The following CD36 variants were observed in gnomAD, a reference collection of about 807,000 sequenced individuals.
The protein encoded by CD36 is platelet glycoprotein 4.
In CD36, 119 loss-of-function variants were observed where a neutral mutation model predicts 55.2. The ratio of observed to expected loss-of-function variants is 2.15; its 90% CI spans 1.86 to 2.51. CD36 has a LOEUF of 2.51. CD36 is among the 30% of genes most tolerant of loss of function. The pLI is 0.00. For synonymous variants in CD36, 186 were observed against 193.6 expected (o/e 0.96, Z 0.33); for missense variants, 819 against 555.5 (o/e 1.47, Z -4.77).
chr7:80,668,395 T>C (rs1344983503), intron 8 of CD36, among the ~76,000 whole-genome samples: 1 of 152,200 alleles, frequency 6.6e-6, no homozygotes, highest in Non-Finnish European at 1.5e-5. Context: ...TTCTTGCTTA[T>C]GGCACTAGCG....
chr7:80,661,783 T>C (rs1243866899), intron 5 of CD36, among the ~76,000 whole-genome samples: 1 of 152,188 alleles, frequency 6.6e-6, no homozygotes, highest in African/African-American at 2.4e-5. Flanking sequence ...CAACTGTCAA[T>C]ATAATTTAAG....
intron 7 of CD36, chr7:80,666,092 CTT>C (rs936235034): frequency 7.1e-6 from 2 of 282,542 alleles, no homozygotes; most frequent in Non-Finnish European, 1.4e-5. Flanking sequence ...ATTCTGAACA[CTT>C]ATACTACTGA....
Position 80,661,178 on chromosome 7 carries a change from G to C in CD36, c.397G>C (p.Asp133His). 1 of 1,614,012 alleles carries C rather than the reference G, an allele frequency of 6.2e-7. No homozygotes were observed. The highest frequency in any genetic ancestry group is 1.3e-5 in the African/African-American group (1 of 75,034). Residue 133 changes from aspartate (D) to histidine (H), a missense_variant, in exon 5 of 15, where the codon GAC becomes CAC. Asp to His is a moderately conservative substitution (Grantham distance 81). Coordinates refer to ENST00000447544, the MANE Select transcript of CD36 (RefSeq NM_001001548.3). ...TTCACTATCAGTTGGAACAGAGGCT[G>C]ACAACTTCACAGTTCTCAATCTGGC... ...EPSLSVGTEA[D>H]NFTVLNLAVA...
chr7:80,666,390 GAA>G, intron 7 of CD36, 51 bp from the exon 8 acceptor site: 1 of 1,168,412 alleles, frequency 8.6e-7, no homozygotes, highest in East Asian at 2.4e-5. Context: ...AGTAATGTAA[GAA>G]AGGTATTCTT....
chr7:80,667,747 GTTTTTT>G (rs1165767460), intron 8 of CD36, among the ~76,000 whole-genome samples: 1 of 82,636 alleles, frequency 1.2e-5, no homozygotes, highest in African/African-American at 4.2e-5. Flanking sequence ...GTTTTCTTTT[GTTTTTT>G]TTTTTTTTTT....
chr7:80,614,798 C>T lies in CD36; in HGVS notation c.-184+12419C>T, dbSNP rs563371680. Among the ~76,000 whole-genome samples, 10 of 152,228 alleles carry T rather than the reference C, an allele frequency of 6.6e-5. No individual in the cohort carries two copies. In the South Asian group the frequency reaches 2.1e-3, roughly 32 times the overall value. On this transcript the variant is annotated intron_variant, in intron 1 of 13. Coordinates refer to the CD36 transcript ENST00000309881. ...AAACTGTGGGTGCCCTTGTTATTTG[C>T]TCTGCTACTTGTTAGCTTTATACTG...
At chr7:80,619,848 G>T (rs1184938156) in intron 1 of CD36, among the ~76,000 whole-genome samples, 1 of 152,106 alleles carries the variant, frequency 6.6e-6, no homozygotes, top group African/African-American at 2.4e-5. Flanking sequence ...CATCATGGAT[G>T]ACTGAGGGTT....
At chr7:80,609,088 A>T (rs1792729686) in intron 1 of CD36, among the ~76,000 whole-genome samples, 1 of 152,122 alleles carries the variant, frequency 6.6e-6, no homozygotes, top group Non-Finnish European at 1.5e-5. Flanking sequence ...GAGTAGTCCT[A>T]TGTTGCTTTC....
rs139685463 is a variant in CD36, at chr7:80,671,992, A to G, written c.1077A>G (p.Gly359=). The G allele has an allele frequency of 6.8e-6, 11 of 1,609,184 alleles. No homozygotes were observed. The African/African-American group carries it at 1.3e-4, about 20-fold the overall frequency. ...CTGATGTTTCAGAACCTATTGATGG[A>G]TTAAACCCAAATGAAGAAGAACATA... ...ASPDVSEPID[G]LNPNEEEHRT... The change falls in exon 11 of 15, where the codon GGA becomes GGG. Residue 359 remains glycine (G), a synonymous_variant. Transcript: ENST00000447544.
intron 1 of CD36, among the ~76,000 whole-genome samples, chr7:80,642,143 T>C (rs1016656155): frequency 6.6e-6 from 1 of 152,138 alleles, no homozygotes; most frequent in African/African-American, 2.4e-5. Flanking sequence ...CTTTCTTCTT[T>C]ATACAAGTCT....
upstream of CD36, among the ~76,000 whole-genome samples, chr7:80,636,093 AG>A (rs1794379516): frequency 6.6e-6 from 1 of 152,092 alleles, no homozygotes; most frequent in Non-Finnish European, 1.5e-5. Context: ...GCAGGTGCAA[AG>A]ACAGGGCAAA....
chr7:80,617,542 C>T (rs1173267847), intron 1 of CD36, among the ~76,000 whole-genome samples: 2 of 152,006 alleles, frequency 1.3e-5, no homozygotes, highest in Non-Finnish European at 2.9e-5. Context: ...GCCTGGCCAA[C>T]ATGGCAAAAC....
rs368916360 is a variant in CD36, at chr7:80,666,436, T to G, written c.702-7T>G. The stretch of plus-strand genomic sequence containing the variant: ...AATGTTTATTCATTGTCTTTTTCTA[T>G]TCCTAGGAATCTGTCCTATTGGGAA... On this transcript the variant is annotated splice_polypyrimidine_tract_variant and splice_region_variant and intron_variant, in intron 7 of 14. Coordinates refer to ENST00000447544, the MANE Select transcript of CD36 (RefSeq NM_001001548.3). 3 of 1,578,968 alleles carry G rather than the reference T, an allele frequency of 1.9e-6. No individual in the cohort carries two copies. The African/African-American group carries it at 4.0e-5, about 21-fold the overall frequency.
At chr7:80,634,582 C>G, upstream of CD36, among the ~76,000 whole-genome samples, 1 of 152,016 alleles carries the variant, frequency 6.6e-6, no homozygotes, top group East Asian at 1.9e-4. Flanking sequence ...TTCACAAATC[C>G]TATTGCTAAT....
At chr7:80,603,551 A>G (rs1171147074) in intron 1 of CD36, among the ~76,000 whole-genome samples, 1 of 152,144 alleles carries the variant, frequency 6.6e-6, no homozygotes. Context: ...GGGGCAATAT[A>G]TGAGACTTCT....
intron 1 of CD36, among the ~76,000 whole-genome samples, chr7:80,605,154 C>T (rs895058216): frequency 6.6e-6 from 1 of 152,068 alleles, no homozygotes; most frequent in East Asian, 1.9e-4. Context: ...AAGACTGAGC[C>T]CTCAAACATG....
rs909828190 is a variant in CD36, at chr7:80,661,122, T to C, written c.341T>C (p.Phe114Ser). ...GACGCTGAGGACAACACAGTCTCTT[T>C]CCTGCAGCCCAATGGTGCCATCTTC... ...TQDAEDNTVS[F>S]LQPNGAIFEP... The change falls in exon 5 of 15, where the codon TTC becomes TCC. Residue 114 changes from phenylalanine to serine, a missense_variant. Phe to Ser is a radical substitution (Grantham distance 155). Transcript: ENST00000447544. 1 of 1,614,018 alleles carries C rather than the reference T, an allele frequency of 6.2e-7. No homozygotes were observed. The highest frequency in any genetic ancestry group is 1.7e-5 in the Admixed American group (1 of 60,024).
intron 8 of CD36, among the ~76,000 whole-genome samples, chr7:80,666,962 G>C (rs1206445965): frequency 1.3e-5 from 2 of 152,186 alleles, no homozygotes; most frequent in African/African-American, 4.8e-5. Context: ...AAGGTGGTCA[G>C]AATGAGAGAG....
rs367918733 is a variant in CD36 at position 80,650,927 on chromosome 7, C to CAGAA, written c.120+4068_120+4069insGAAA. On this transcript the variant is annotated intron_variant, in intron 3 of 14. Coordinates refer to ENST00000447544, the MANE Select transcript of CD36 (RefSeq NM_001001548.3). ...CAGCCAGCAAGTTTATGCAGTCTTTCAAAAAAAAAAAAAAAACTAAAAATC... is the reference window on the plus strand; with the variant it reads ...CAGCCAGCAAGTTTATGCAGTCTTTCAGAAAAAAAAAAAAAAAAAACTAAAAATC... Among the ~76,000 whole-genome samples the CAGAA allele has an allele frequency of 8.5e-3, 1,134 of 133,516 alleles. 53 individuals are homozygous for CAGAA. The East Asian group carries it at 0.11, about 13-fold the overall frequency. The allele number at this position is 133,516 out of a possible 152,430, so 87.6% of individuals were successfully genotyped here. A position where few individuals can be genotyped will look rare whatever the true frequency, so the allele number is the denominator to read the frequency against.
Sources: gnomAD v4.1 joint callset for allele counts (sites outside exome capture counted in the v4.1 genomes callset) on GRCh38, gnomAD v4.1.1 for gene constraint, MANE v1.5 for transcripts, NCBI Gene and HGNC (gene_info 2026-07-23, HGNC 2026-07-21) for gene names.